The following ASH1L variants were observed in gnomAD, a reference collection of about 807,000 sequenced individuals.
The protein encoded by ASH1L is ASH1 like histone lysine methyltransferase.
ASH1L carries 23 observed loss-of-function variants against 269.0 expected under a neutral mutation model. The observed-to-expected ratio is 0.09, with a 90% CI of 0.06 to 0.12. The LOEUF (loss-of-function observed/expected upper bound fraction) is 0.12. Among genes scored for constraint, ASH1L ranks in the 10% least tolerant of loss-of-function variants. ASH1L has a pLI of 1.00. For synonymous variants in ASH1L, 1,187 were observed against 1,253.5 expected (o/e 0.95, Z 1.12); for missense variants, 2,912 against 3,567.8 (o/e 0.82, Z 4.68).
intron 2 of ASH1L, among the ~76,000 whole-genome samples, chr1:155,495,274 C>T (rs765336291): frequency 3.3e-5 from 5 of 152,230 alleles, no homozygotes; most frequent in Admixed American, 6.5e-5. Context: ...AGAAATGTCT[C>T]TAAGAAATGT....
chr1:155,532,965 G>GGGGA (rs1553275253), intron 1 of ASH1L, among the ~76,000 whole-genome samples: 7 of 142,042 alleles, frequency 4.9e-5, no homozygotes, highest in Admixed American at 2.1e-4. Context: ...ATATATGGGG[G>GGGGA]GAGAGAGAGA....
chr1:155,418,065 A>T (rs1660362819), intron 5 of ASH1L, among the ~76,000 whole-genome samples: 1 of 152,220 alleles, frequency 6.6e-6, no homozygotes, highest in Non-Finnish European at 1.5e-5. Context: ...GAATATTTGT[A>T]AAGGAAACCA....
intron 1 of ASH1L, among the ~76,000 whole-genome samples, chr1:155,535,647 TA>T (rs767295479): frequency 0.027 from 3,543 of 131,390 alleles, 66 homozygotes; most frequent in African/African-American, 0.066. Flanking sequence ...CCCCATCTCT[TA>T]AAAAAAAAAA....
At chr1:155,388,209 T>C (rs1657600364) in intron 7 of ASH1L, among the ~76,000 whole-genome samples, 1 of 152,172 alleles carries the variant, frequency 6.6e-6, no homozygotes, top group Non-Finnish European at 1.5e-5. Flanking sequence ...CAACAGAAAA[T>C]TCACTCTAAC....
chr1:155,346,237 C>G (rs1266261119), intron 21 of ASH1L, 146 bp downstream of exon 21: 1 of 1,554,006 alleles, frequency 6.4e-7, no homozygotes, highest in South Asian at 1.2e-5. Context: ...AATTATGACC[C>G]TTAATGTAAA....
In ASH1L at chr1:155,480,579, A is replaced by C. The variant is rs1665881974; in HGVS notation, c.2291T>G (p.Ile764Ser). 6.2e-7 allele frequency: 1 copy of C among 1,614,142 alleles called. No individual in the cohort carries two copies. Among genetic ancestry groups the C allele is most frequent in the Non-Finnish European group, 8.5e-7 (1 of 1,180,000 alleles). ...NSEPAKFMKN[I>S]GPPSFVDHDF... ...ATGATCTACAAATGAAGGGGGTCCA[A>C]TGTTTTTCATAAACTTGGCTGGCTC... Residue 764 changes from isoleucine to serine, a missense_variant, in exon 3 of 28, where the codon ATT becomes AGT. Physicochemically the swap from Ile to Ser is moderately radical, Grantham distance 142. Coordinates refer to ENST00000392403, the MANE Select transcript of ASH1L (RefSeq NM_018489.3).
Position 155,426,563 on chromosome 1 carries a change from CT to C in ASH1L, c.5829-10641del, listed in dbSNP as rs764281409. ...CCATGTTGGCCAGGATAGTCTCGAA[CT>C]TCTGACCTCAGGTGATCTGCCCACA... is the stretch of plus-strand genomic sequence containing the variant. On this transcript the variant is annotated intron_variant, in intron 5 of 27. Coordinates refer to ENST00000392403, the MANE Select transcript of ASH1L (RefSeq NM_018489.3). 3.3e-5 allele frequency among the ~76,000 whole-genome samples: 5 copies of C among 152,284 alleles called. No homozygotes were observed. In the East Asian group the frequency reaches 9.6e-4, roughly 29 times the overall value.
Position 155,562,307 on chromosome 1 carries a change from G to A in ASH1L, c.-254C>T, listed in dbSNP as rs1207711682. On this transcript the variant is annotated 5_prime_UTR_variant, in exon 1 of 28. Coordinates refer to ENST00000392403, the MANE Select transcript of ASH1L (RefSeq NM_018489.3). ...AGCGGGTAAGCTGACTGGCGGAAAT[G>A]CGAGAGAGGAGAAGGGAAAGGTGGA... The A allele has an allele frequency of 7.5e-6, 12 of 1,590,772 alleles. No homozygotes were observed. In the African/African-American group the frequency reaches 1.3e-4, roughly 18 times the overall value.
chr1:155,556,448 A>G (rs1239843120), intron 1 of ASH1L, among the ~76,000 whole-genome samples: 9 of 150,554 alleles, frequency 6.0e-5, no homozygotes, highest in African/African-American at 2.2e-4. Flanking sequence ...GTATGTGTAT[A>G]TATATATATT....
chr1:155,442,012 C>G (rs949938550), intron 4 of ASH1L, among the ~76,000 whole-genome samples: 17 of 152,020 alleles, frequency 1.1e-4, no homozygotes, highest in Non-Finnish European at 2.1e-4. Flanking sequence ...AATGATCTGA[C>G]CACCTCAGCT....
intron 4 of ASH1L, among the ~76,000 whole-genome samples, chr1:155,459,415 C>T (rs1050377060): frequency 3.3e-5 from 5 of 152,128 alleles, no homozygotes; most frequent in African/African-American, 9.7e-5. Context: ...AGGGTGGTCT[C>T]GAACTCCTGA....
At chr1:155,516,386 T>C (rs1204737596) in intron 2 of ASH1L, among the ~76,000 whole-genome samples, 1 of 152,188 alleles carries the variant, frequency 6.6e-6, no homozygotes. Flanking sequence ...AAATACTGAA[T>C]TATCTCTGTT....
chr1:155,485,268 A>C (rs961140586), intron 2 of ASH1L, among the ~76,000 whole-genome samples: 216 of 151,854 alleles, frequency 1.4e-3, no homozygotes, highest in African/African-American at 5.1e-3. Flanking sequence ...AAAAAAAAAA[A>C]AACCCAAAAC....
At chr1:155,345,152 TCACCATGTTAGC>T (rs1205090332) in intron 21 of ASH1L, among the ~76,000 whole-genome samples, 1 of 148,010 alleles carries the variant, frequency 6.8e-6, no homozygotes, top group African/African-American at 2.5e-5. Flanking sequence ...AGACGGGGTT[TCACCATGTTAGC>T]CAGGATGGTC....
rs866657967 is a variant in ASH1L at position 155,489,838 on chromosome 1, C to A, written c.421-7389G>T. Among the ~76,000 whole-genome samples, 30 of 88,552 alleles carry A rather than the reference C, an allele frequency of 3.4e-4. 2 individuals carry two copies. Among genetic ancestry groups the A allele is most frequent in the Admixed American group, 2.5e-3 (22 of 8,656 alleles). The allele number at this position is 88,552 out of a possible 152,430, so 58.1% of individuals were successfully genotyped here. On this transcript the variant is annotated intron_variant, in intron 2 of 27. Coordinates refer to ENST00000392403, the MANE Select transcript of ASH1L (RefSeq NM_018489.3). ...AATAAATAAATAAATAAATAAATAA[C>A]AATATGGTAAACATCCAATTGCATT...
At chr1:155,540,337 T>C (rs1385492391) in intron 1 of ASH1L, among the ~76,000 whole-genome samples, 2 of 152,178 alleles carry the variant, frequency 1.3e-5, no homozygotes, top group Non-Finnish European at 2.9e-5. Flanking sequence ...TAAACTAATA[T>C]ATGAAAAGTA....
rs747263928 is a variant in ASH1L at position 155,478,393 on chromosome 1, G to A, written c.4477C>T (p.Arg1493Cys). The change falls in exon 3 of 28, where the codon CGT becomes TGT. Residue 1493 changes from arginine (R) to cysteine (C), a missense_variant. Transcript: ENST00000392403. This position sits in a 1 kb window ranked among gnomAD's most constrained non-coding sequence, Gnocchi z 4.6. ...GAAACCTGGGGTTGTTCAGAAGAAC[G>A]GTGTTCTCTGTGTTTGTGACGGTGC... Reference protein sequence around the residue: ...HRHRHKHREHRSSEQPQVSMD... With the variant: ...HRHRHKHREHCSSEQPQVSMD... The A allele has an allele frequency of 1.9e-5, 30 of 1,614,068 alleles. No homozygotes were observed. The highest frequency in any genetic ancestry group is 2.7e-5 in the African/African-American group (2 of 74,994).
intron 4 of ASH1L, among the ~76,000 whole-genome samples, chr1:155,446,435 A>T (rs1301783397): frequency 6.6e-6 from 1 of 150,512 alleles, no homozygotes; most frequent in Non-Finnish European, 1.5e-5. Flanking sequence ...AGTAGCTGAG[A>T]CTACAGGTGT....
intron 15 of ASH1L, 29 bp downstream of exon 15, chr1:155,357,287 G>A (rs1416531208): frequency 2.6e-6 from 4 of 1,549,134 alleles, no homozygotes; most frequent in Non-Finnish European, 3.6e-6. Flanking sequence ...AACTTACAAA[G>A]AACATGGATA....
Sources: allele counts gnomAD v4.1 joint callset (sites outside exome capture counted in the v4.1 genomes callset), GRCh38; gene constraint gnomAD v4.1.1; non-coding constraint Gnocchi (gnomAD v3.1); transcripts MANE v1.5; gene names NCBI Gene and HGNC (gene_info 2026-07-23, HGNC 2026-07-21).